The following ZC3H12A variants were observed in gnomAD, a reference collection of about 807,000 sequenced individuals.
ZC3H12A encodes the protein endoribonuclease ZC3H12A.
A neutral mutation model predicts 29.9 loss-of-function variants in ZC3H12A; 9 were observed. The ratio of observed to expected loss-of-function variants is 0.30; its 90% CI spans 0.18 to 0.53. ZC3H12A has a LOEUF of 0.53. Among genes scored for constraint, ZC3H12A ranks in the 20% least tolerant of loss-of-function variants. The pLI, the probability that ZC3H12A is intolerant of heterozygous loss-of-function variation, is 0.96. For missense variants in ZC3H12A, 617 were observed against 799.0 expected (o/e 0.77, Z 2.75); for synonymous variants, 323 against 338.1 (o/e 0.96, Z 0.49).
At chr1:37,477,396 C>CG (rs1206186283) in intron 2 of ZC3H12A, among the ~76,000 whole-genome samples, 1 of 152,130 alleles carries the variant, frequency 6.6e-6, no homozygotes, top group Non-Finnish European at 1.5e-5. Context: ...GCACCCACCT[C>CG]GGGGGTTTCT....
At position 37,476,253 on chromosome 1, in the gene ZC3H12A, C is replaced by T. The variant is rs1401477187; in HGVS notation, c.443+314C>T. Among the ~76,000 whole-genome samples the T allele has an allele frequency of 1.3e-5, 2 of 152,178 alleles. No homozygotes were observed. The highest frequency in any genetic ancestry group is 2.9e-5 in the Non-Finnish European group (2 of 68,042). On this transcript the variant is annotated intron_variant, in intron 2 of 5. Transcript: ENST00000373087. This position sits in a 1 kb window ranked among gnomAD's most constrained non-coding sequence, Gnocchi z 6.0. ...GGCAGGGCTGTAAAGGGGACCAGCC[C>T]GTGGGCAGCTGCTCACTCACCCCTC...
rs200024950 is a variant in ZC3H12A at position 37,475,916 on chromosome 1, C to T, written c.420C>T (p.Ile140=). ...GCAGCGACCTGAGACCAGTGGTCAT[C>T]GATGGGAGCAACGTGGCCATGAGGT... ...KEGSDLRPVV[I]DGSNVAMSHG... Residue 140 remains isoleucine, a synonymous_variant, in exon 2 of 6, where the codon ATC becomes ATT. Transcript: ENST00000373087. This position sits in a 1 kb window ranked among gnomAD's most constrained non-coding sequence, Gnocchi z 5.2. The T allele has an allele frequency of 8.2e-5, 125 of 1,515,508 alleles. No individual in the cohort carries two copies. The East Asian group carries it at 2.5e-3, about 31-fold the overall frequency. The allele number at this position is 1,515,508 out of a possible 1,614,324, so 93.9% of individuals were successfully genotyped here. A position where few individuals can be genotyped will look rare whatever the true frequency, so the allele number is the denominator to read the frequency against.
At position 37,483,707 on chromosome 1, in the gene ZC3H12A, C is replaced by T; in HGVS notation, c.*96C>T. Reference sequence around the variant, plus strand: ...GCAGCCCATTCCCAGCCCTGAGGCCCACCCCAGAGGCTGGACAGAGGGAGG... The same window carrying T: ...GCAGCCCATTCCCAGCCCTGAGGCCTACCCCAGAGGCTGGACAGAGGGAGG... On this transcript the variant is annotated 3_prime_UTR_variant, in exon 6 of 6. Transcript: ENST00000373087. 1.4e-6 allele frequency: 2 copies of T among 1,406,702 alleles called. No homozygotes were observed. The highest frequency in any genetic ancestry group is 9.4e-7 in the Non-Finnish European group (1 of 1,062,740). 87.1% of individuals were successfully genotyped at this position (1,406,702 alleles called of 1,614,324 possible).
Position 37,483,208 on chromosome 1 carries a change from C to T in ZC3H12A, c.1397C>T (p.Ala466Val), listed in dbSNP as rs1641752227. ...GGPGEPGPPR[A>V]PYTGYSPYGS... ...CCTGGTGAGCCGGGCCCACCCCGAG[C>T]CCCTTACACGGGCTACAGTCCCTAT... The change falls in exon 6 of 6, where the codon GCC becomes GTC. Residue 466 changes from alanine (A) to valine (V), a missense_variant. Around this residue, in one of 5 missense-constraint regions of ZC3H12A, gnomAD observed 172 missense variants for 203.1 expected, o/e 0.85. Transcript: ENST00000373087. The T allele has an allele frequency of 1.2e-6, 2 of 1,613,476 alleles. No homozygotes were observed. Among genetic ancestry groups the T allele is most frequent in the South Asian group, 1.1e-5 (1 of 91,092 alleles).
rs1232219600 is a variant in ZC3H12A at position 37,482,716 on chromosome 1, C to A, written c.926-21C>A. On this transcript the variant is annotated intron_variant, in intron 5 of 5. Transcript: ENST00000373087. ...GTTCTGAAGTGCCCCTGCTTAGAGT[C>A]CCTCTTGATTCCTCTTCCAGGAAGG... The A allele has an allele frequency of 3.7e-6, 6 of 1,613,318 alleles. No individual in the cohort carries two copies. The South Asian group carries it at 4.4e-5, about 12-fold the overall frequency.
chr1:37,482,567 G>A, intron 5 of ZC3H12A, 27 bp downstream of exon 5: 1 of 1,612,514 alleles, frequency 6.2e-7, no homozygotes, highest in Non-Finnish European at 8.5e-7. Context: ...GCCCTCCCCG[G>A]CCCTCCTCAC....
Position 37,475,467 on chromosome 1 carries a change from G to A in ZC3H12A, c.-30G>A, listed in dbSNP as rs1641563595. The stretch of plus-strand genomic sequence containing the variant: ...CCCTGTTGGTTGTTCAGTAGGAGCT[G>A]TGGCGCGGGGCCTTCCAGGAGTCTG... On this transcript the variant is annotated 5_prime_UTR_variant, in exon 2 of 6. The change creates a new upstream start codon in the 5' untranslated region. Transcript: ENST00000373087. This position sits in a 1 kb window ranked among gnomAD's most constrained non-coding sequence, Gnocchi z 5.2. The A allele has an allele frequency of 6.4e-7, 1 of 1,569,722 alleles. No homozygotes were observed. Among genetic ancestry groups the A allele is most frequent in the Non-Finnish European group, 8.6e-7 (1 of 1,156,860 alleles).
intron 3 of ZC3H12A, 152 bp downstream of exon 3, chr1:37,480,581 C>T: frequency 8.7e-7 from 1 of 1,153,038 alleles, no homozygotes; most frequent in Non-Finnish European, 1.2e-6. Flanking sequence ...TAGCAACCTG[C>T]TCTGAATGGT....
chr1:37,479,344 A>G lies in ZC3H12A; in HGVS notation c.444-946A>G, dbSNP rs1221563108. Reference sequence around the variant, plus strand: ...CCCACTGACTGACCCCTCTTAAGGAAGCTGCAGACTGCTGGGCCCATTTTC... The same window carrying G: ...CCCACTGACTGACCCCTCTTAAGGAGGCTGCAGACTGCTGGGCCCATTTTC... On this transcript the variant is annotated intron_variant, in intron 2 of 5. Transcript: ENST00000373087. This position sits in a 1 kb window ranked among gnomAD's most constrained non-coding sequence, Gnocchi z 4.5. The G allele has an allele frequency of 5.1e-6, 5 of 985,288 alleles. No homozygotes were observed. The highest frequency in any genetic ancestry group is 6.0e-6 in the Non-Finnish European group (5 of 829,946). The allele number at this position is 985,288 out of a possible 1,614,324, so 61.0% of individuals were successfully genotyped here.
rs1174557354 is a variant in ZC3H12A at position 37,484,256 on chromosome 1, TC to T, written c.*649del. 6.6e-6 allele frequency: 1 copy of T among 152,258 alleles called. No individual in the cohort carries two copies. Among genetic ancestry groups the T allele is most frequent in the Non-Finnish European group, 1.5e-5 (1 of 68,072 alleles). The allele number at this position is 152,258 out of a possible 1,614,324, so 9.4% of individuals were successfully genotyped here. A position where few individuals can be genotyped will look rare whatever the true frequency, so the allele number is the denominator to read the frequency against. Reference sequence around the variant, plus strand: ...CCTTTATTCAGAGTCATCTCGCCCTTCCCCATGGGTGGGGGAACCTGTGTTT... The same window carrying T: ...CCTTTATTCAGAGTCATCTCGCCCTTCCCATGGGTGGGGGAACCTGTGTTT... On this transcript the variant is annotated 3_prime_UTR_variant, in exon 6 of 6. Coordinates refer to ENST00000373087, the MANE Select transcript of ZC3H12A (RefSeq NM_025079.3).
chr1:37,480,199 G>A (rs1232800328), intron 2 of ZC3H12A, 91 bp from the exon 3 acceptor site: 4 of 1,535,904 alleles, frequency 2.6e-6, no homozygotes, highest in Non-Finnish European at 3.5e-6. Context: ...CAGGGCAGGG[G>A]TGGGGTGTGA....
chr1:37,480,033 G>A, intron 2 of ZC3H12A: 2 of 1,218,598 alleles, frequency 1.6e-6, no homozygotes, highest in Non-Finnish European at 2.1e-6. Context: ...AGTCCCAGCG[G>A]GGCCTGGCCA....
At position 37,476,289 on chromosome 1, in the gene ZC3H12A, C is replaced by T. The variant is rs1053994456; in HGVS notation, c.443+350C>T. On this transcript the variant is annotated intron_variant, in intron 2 of 5. Transcript: ENST00000373087. The surrounding 1 kb of genome is among the most constrained non-coding windows in gnomAD (Gnocchi z 6.0). ...GCTCACTCACCCCTCGGAACCTGAT[C>T]TCAGGTGGGTGTTGTGAGGAGGGAG... Among the ~76,000 whole-genome samples, 3 of 152,190 alleles carry T rather than the reference C, an allele frequency of 2.0e-5. No homozygotes were observed. Among genetic ancestry groups the T allele is most frequent in the Non-Finnish European group, 2.9e-5 (2 of 68,016 alleles).
chr1:37,479,528 G>T lies in ZC3H12A; in HGVS notation c.444-762G>T. ...AAGAGTCCCCTAGCATCTTCCTGAT[G>T]GTCTTTCTGCCTTGGGGTGAAGAGG... On this transcript the variant is annotated intron_variant, in intron 2 of 5. Transcript: ENST00000373087. This position sits in a 1 kb window ranked among gnomAD's most constrained non-coding sequence, Gnocchi z 4.5. The T allele has an allele frequency of 1.0e-6, 1 of 985,420 alleles. No homozygotes were observed. Among genetic ancestry groups the T allele is most frequent in the Non-Finnish European group, 1.2e-6 (1 of 829,934 alleles). The allele number at this position is 985,420 out of a possible 1,614,324, so 61.0% of individuals were successfully genotyped here. A position where few individuals can be genotyped will look rare whatever the true frequency, so the allele number is the denominator to read the frequency against.
rs748841337 is a variant in ZC3H12A, at chr1:37,482,852, A to G, written c.1041A>G (p.Arg347=). The part of the protein sequence containing the change: ...LRANALLSPP[R]APSKDKNGRR... ...CCAATGCTCTCCTCTCACCCCCCAG[A>G]GCCCCAAGCAAGGACAAAAATGGCC... is the stretch of plus-strand genomic sequence containing the variant. Residue 347 remains arginine, a synonymous_variant, in exon 6 of 6, where the codon AGA becomes AGG. Transcript: ENST00000373087. The G allele has an allele frequency of 1.2e-6, 2 of 1,613,796 alleles. No homozygotes were observed. Among genetic ancestry groups the G allele is most frequent in the South Asian group, 1.1e-5 (1 of 91,084 alleles).
rs767007138 is a variant in ZC3H12A at position 37,483,279 on chromosome 1, G to C, written c.1468G>C (p.Ala490Pro). Reference sequence around the variant, plus strand: ...CGCAGCCTTCTCTGCCTTTGGCCGGGCCATGGGTGCTGGCCACTTCAGTGT... The same window carrying C: ...CGCAGCCTTCTCTGCCTTTGGCCGGCCCATGGGTGCTGGCCACTTCAGTGT... ...ATAAFSAFGR[A>P]MGAGHFSVPA... The change falls in exon 6 of 6, where the codon GCC becomes CCC. Residue 490 changes from alanine to proline, a missense_variant. Transcript: ENST00000373087. The C allele has an allele frequency of 1.1e-5, 18 of 1,613,922 alleles. No individual in the cohort carries two copies. The South Asian group carries it at 2.0e-4, about 18-fold the overall frequency.
In ZC3H12A at chr1:37,483,152, G is replaced by A; in HGVS notation, c.1341G>A (p.Met447Ile). ...GCATTGGCTCCCTGGAGAGCCAGAT[G>A]TCGGAACTTTGGGGGGTTCGAGGAG... ...DSGIGSLESQ[M>I]SELWGVRGGG... The change falls in exon 6 of 6, where the codon ATG becomes ATA. Residue 447 changes from methionine to isoleucine, a missense_variant. Coordinates refer to ENST00000373087, the MANE Select transcript of ZC3H12A (RefSeq NM_025079.3). 3 of 1,613,566 alleles carry A rather than the reference G, an allele frequency of 1.9e-6. No homozygotes were observed. The highest frequency in any genetic ancestry group is 2.5e-6 in the Non-Finnish European group (3 of 1,179,942).
intron 2 of ZC3H12A, 165 bp from the exon 3 acceptor site, chr1:37,480,125 G>C (rs1371075043): frequency 7.4e-7 from 1 of 1,346,456 alleles, no homozygotes; most frequent in African/African-American, 1.5e-5. Flanking sequence ...CCTGAGCCCT[G>C]GGGAAAGGGG....
chr1:37,483,419 A>C lies in ZC3H12A; in HGVS notation c.1608A>C (p.Pro536=), dbSNP rs201198278. ...SVLQEPPVQS[P]GAGRSPWGRA... ...TTCAGGAGCCCCCAGTGCAGAGCCC[A>C]GGGGCTGGCAGGAGCCCGTGGGGCA... is the stretch of plus-strand genomic sequence containing the variant. Residue 536 remains proline, a synonymous_variant, in exon 6 of 6, where the codon CCA becomes CCC. Transcript: ENST00000373087. 8 of 1,613,926 alleles carry C rather than the reference A, an allele frequency of 5.0e-6. No individual in the cohort carries two copies. The East Asian group carries it at 1.6e-4, about 31-fold the overall frequency.
Sources: allele counts gnomAD v4.1 joint callset (sites outside exome capture counted in the v4.1 genomes callset), GRCh38; gene constraint gnomAD v4.1.1; regional missense constraint gnomAD v4.1.1; non-coding constraint Gnocchi (gnomAD v3.1); transcripts MANE v1.5; gene names NCBI Gene and HGNC (gene_info 2026-07-23, HGNC 2026-07-21).